The following SH3KBP1 variants were observed in gnomAD, a reference collection of about 807,000 sequenced individuals.
SH3KBP1 encodes SH3 domain containing kinase binding protein 1.
A neutral mutation model predicts 50.1 loss-of-function variants in SH3KBP1; 8 were observed. That is an observed-to-expected ratio of 0.16 (90% CI 0.09 to 0.29). SH3KBP1 has a LOEUF of 0.29. SH3KBP1 is among the 10% of genes least tolerant of loss of function. The probability of loss-of-function intolerance (pLI) is 1.00; values close to 1 mark genes in which losing one functional copy is unlikely to be tolerated. For synonymous variants in SH3KBP1, 227 were observed against 218.6 expected (o/e 1.04, Z -0.34); for missense variants, 377 against 535.2 (o/e 0.70, Z 2.92).
intron 1 of SH3KBP1, among the ~76,000 whole-genome samples, chrX:19,885,031 G>A (rs958458107): frequency 8.9e-6 from 1 of 111,875 alleles, no homozygotes; most frequent in Non-Finnish European, 1.9e-5. Context: ...AGGCACAGTG[G>A]TGTGAGCGTG....
At chrX:19,821,535 T>A (rs1206546676) in intron 2 of SH3KBP1, among the ~76,000 whole-genome samples, 1 of 109,383 alleles carries the variant, frequency 9.1e-6, no homozygotes, top group African/African-American at 3.3e-5. Flanking sequence ...TTTAAAAAAC[T>A]TTTTTTTTTC....
intron 2 of SH3KBP1, among the ~76,000 whole-genome samples, chrX:19,768,085 C>G (rs894685927): frequency 9.0e-6 from 1 of 111,065 alleles, no homozygotes; most frequent in Non-Finnish European, 1.9e-5. Flanking sequence ...ACACAATGCA[C>G]AGACACACAA....
At chrX:19,687,738 G>C (rs777380879) in intron 5 of SH3KBP1, 3 of 981,607 alleles carry the variant, frequency 3.1e-6, no homozygotes, top group African/African-American at 3.8e-5. Flanking sequence ...ACAAGAGAGG[G>C]GGGAGGAGGG....
chrX:19,824,104 G>C (rs892542320), intron 2 of SH3KBP1, among the ~76,000 whole-genome samples: 5 of 111,742 alleles, frequency 4.5e-5, no homozygotes, highest in African/African-American at 1.6e-4. Flanking sequence ...ACAGGTGTTA[G>C]CCACCACACC....
chrX:19,637,665 C>T (rs2061739646), intron 7 of SH3KBP1, among the ~76,000 whole-genome samples: 1 of 111,337 alleles, frequency 9.0e-6, no homozygotes, highest in Non-Finnish European at 1.9e-5. Context: ...GGCACCTGTT[C>T]ATTCTATTAT....
At chrX:19,844,490 A>T (rs1415890619) in intron 1 of SH3KBP1, among the ~76,000 whole-genome samples, 1 of 112,182 alleles carries the variant, frequency 8.9e-6, no homozygotes, top group Admixed American at 9.4e-5. Context: ...AGTATACGCC[A>T]CTAGTCCAGG....
intron 13 of SH3KBP1, among the ~76,000 whole-genome samples, chrX:19,552,925 G>A (rs1490232894): frequency 9.1e-6 from 1 of 110,156 alleles, no homozygotes; most frequent in East Asian, 2.9e-4. Flanking sequence ...TGACTGAAGG[G>A]TGTTCCAGGG....
intron 2 of SH3KBP1, among the ~76,000 whole-genome samples, chrX:19,819,558 C>T (rs752486156): frequency 9.9e-5 from 11 of 110,684 alleles, no homozygotes; most frequent in Admixed American, 5.8e-4. Flanking sequence ...CTATGCTGCC[C>T]AGGCTGGTCT....
chrX:19,628,378 G>A (rs2061500930), intron 8 of SH3KBP1, among the ~76,000 whole-genome samples: 1 of 111,007 alleles, frequency 9.0e-6, no homozygotes, highest in Non-Finnish European at 1.9e-5. Context: ...GTAAATCCTC[G>A]CAGCAGCCCT....
intron 6 of SH3KBP1, among the ~76,000 whole-genome samples, chrX:19,661,658 G>A (rs372772626): frequency 6.7e-5 from 6 of 88,909 alleles, no homozygotes; most frequent in Admixed American, 1.5e-4. Context: ...ATGGAGTTTC[G>A]CTCTGTTGCC....
At chrX:19,882,843 G>A (rs1460226567) in intron 1 of SH3KBP1, among the ~76,000 whole-genome samples, 3 of 112,015 alleles carry the variant, frequency 2.7e-5, no homozygotes, top group South Asian at 7.4e-4. Context: ...CACTGAGATC[G>A]GCTGCCTAGT....
At chrX:19,643,323 T>TTTTTG (rs2061914445) in intron 7 of SH3KBP1, among the ~76,000 whole-genome samples, 1 of 80,798 alleles carries the variant, frequency 1.2e-5, no homozygotes, top group Non-Finnish European at 2.2e-5. Flanking sequence ...TTTTTTTTTA[T>TTTTTG]TTTTTTTTTT....
intron 2 of SH3KBP1, among the ~76,000 whole-genome samples, chrX:19,805,525 TA>T (rs776692061): frequency 0.1 from 7,812 of 76,368 alleles, 336 homozygotes; most frequent in Non-Finnish European, 0.13. Flanking sequence ...GGCTGCATAT[TA>T]AAAAAAAAAA....
intron 2 of SH3KBP1, among the ~76,000 whole-genome samples, chrX:19,819,852 A>G (rs914759976): frequency 9.0e-6 from 1 of 111,543 alleles, no homozygotes; most frequent in African/African-American, 3.3e-5. Context: ...CTTTAGTGCT[A>G]TAAATTTTCC....
chrX:19,866,687 C>A (rs1183570077), intron 1 of SH3KBP1, among the ~76,000 whole-genome samples: 1 of 83,023 alleles, frequency 1.2e-5, no homozygotes, highest in East Asian at 3.0e-4. Context: ...GAGACCCTGT[C>A]TCTTTAAAAA....
chrX:19,608,107 C>G, intron 8 of SH3KBP1, 62 bp from the exon 9 acceptor site: 11 of 966,304 alleles, frequency 1.1e-5, no homozygotes, highest in Non-Finnish European at 1.6e-5. Flanking sequence ...GGGGTGTAAC[C>G]CCCCTCTTCA....
At chrX:19,649,902 G>A (rs1015545596) in intron 6 of SH3KBP1, among the ~76,000 whole-genome samples, 8 of 112,406 alleles carry the variant, frequency 7.1e-5, no homozygotes, top group African/African-American at 2.3e-4. Flanking sequence ...ACTGCAGAAC[G>A]TGAGACCAAG....
At chrX:19,542,560 A>G (rs990961694) in intron 15 of SH3KBP1, among the ~76,000 whole-genome samples, 4 of 111,478 alleles carry the variant, frequency 3.6e-5, no homozygotes, top group Admixed American at 9.5e-5. Context: ...TGGGGCGCAG[A>G]CAGACAGACA....
intron 8 of SH3KBP1, among the ~76,000 whole-genome samples, chrX:19,631,051 A>G (rs1206601798): frequency 1.8e-5 from 2 of 111,637 alleles, no homozygotes; most frequent in African/African-American, 6.5e-5. Flanking sequence ...GGCAGCCACG[A>G]TGATCTCCCA....
Sources: allele counts gnomAD v4.1 joint callset (sites outside exome capture counted in the v4.1 genomes callset), GRCh38; gene constraint gnomAD v4.1.1; transcripts MANE v1.5; gene names NCBI Gene and HGNC (gene_info 2026-07-23, HGNC 2026-07-21).